Variants in NBEA observed in about 807,000 individuals in gnomAD.
The protein encoded by NBEA is lysosomal-trafficking regulator 2.
A neutral mutation model predicts 343.4 loss-of-function variants in NBEA; 44 were observed. The ratio of observed to expected loss-of-function variants is 0.13; its 90% CI spans 0.10 to 0.16. NBEA has a LOEUF of 0.16. NBEA is among the 10% of genes least tolerant of loss of function. The probability of loss-of-function intolerance (pLI) is 1.00; values close to 1 mark genes in which losing one functional copy is unlikely to be tolerated. For synonymous variants in NBEA, 1,175 were observed against 1,238.7 expected (o/e 0.95, Z 1.08); for missense variants, 2,555 against 3,631.3 (o/e 0.70, Z 7.62).
intron 40 of NBEA, among the ~76,000 whole-genome samples, chr13:35,463,428 G>A (rs572021152): frequency 6.6e-6 from 1 of 152,208 alleles, no homozygotes; most frequent in East Asian, 1.9e-4. Context: ...TTCGAGATCA[G>A]CCTGGGCAAC....
At chr13:34,954,956 T>TA (rs1190991104) in intron 1 of NBEA, among the ~76,000 whole-genome samples, 1 of 152,168 alleles carries the variant, frequency 6.6e-6, no homozygotes, top group African/African-American at 2.4e-5. Flanking sequence ...GTTTATATTT[T>TA]AAAAAAAGTT....
intron 45 of NBEA, among the ~76,000 whole-genome samples, chr13:35,568,653 T>C (rs1204970889): frequency 1.3e-5 from 2 of 152,190 alleles, no homozygotes; most frequent in African/African-American, 4.8e-5. Context: ...TCTGAAATGC[T>C]TGGGACCAGA....
At chr13:35,496,386 A>C (rs2076675467) in intron 41 of NBEA, among the ~76,000 whole-genome samples, 1 of 151,838 alleles carries the variant, frequency 6.6e-6, no homozygotes, top group South Asian at 2.1e-4. Context: ...TATAATCCCA[A>C]TACTTTGATT....
At chr13:35,630,662 C>T (rs1051421409) in intron 49 of NBEA, among the ~76,000 whole-genome samples, 1 of 152,126 alleles carries the variant, frequency 6.6e-6, no homozygotes, top group African/African-American at 2.4e-5. Flanking sequence ...AGACCCCTTG[C>T]CCACTTCCTC....
intron 40 of NBEA, among the ~76,000 whole-genome samples, chr13:35,457,132 C>G (rs1000964967): frequency 4.6e-5 from 7 of 151,964 alleles, no homozygotes; most frequent in Non-Finnish European, 1.5e-5. Context: ...TTTCTCTGTT[C>G]CACTCCCTCT....
At chr13:35,323,278 G>A (rs968091250) in intron 36 of NBEA, among the ~76,000 whole-genome samples, 8 of 152,030 alleles carry the variant, frequency 5.3e-5, no homozygotes, top group Admixed American at 2.0e-4. Context: ...TGTTTACTGC[G>A]GCATTATTCA....
intron 41 of NBEA, among the ~76,000 whole-genome samples, chr13:35,532,754 G>A (rs1244601041): frequency 6.6e-6 from 1 of 152,076 alleles, no homozygotes; most frequent in African/African-American, 2.4e-5. Flanking sequence ...TGAATCTTCA[G>A]CCAGGGCCCC....
chr13:35,617,615 A>C (rs562458037), intron 48 of NBEA, among the ~76,000 whole-genome samples: 2 of 152,204 alleles, frequency 1.3e-5, no homozygotes, highest in Non-Finnish European at 2.9e-5. Flanking sequence ...ACGCTACGCA[A>C]AGACATCTCG....
chr13:35,500,123 TAA>T (rs2076829404), intron 41 of NBEA, among the ~76,000 whole-genome samples: 1 of 152,120 alleles, frequency 6.6e-6, no homozygotes, highest in African/African-American at 2.4e-5. Context: ...ATTTTTAACT[TAA>T]GTGACAGCTG....
chr13:35,618,312 C>A lies in NBEA; in HGVS notation c.7450-9769C>A, dbSNP rs147484897. ...GACAAAATATTATAAAAAGTGATAT[C>A]ATTGATGATTAAATGCCCAGCTTTA... On this transcript the variant is annotated intron_variant, in intron 48 of 58. Coordinates refer to ENST00000379939, the MANE Select transcript of NBEA (RefSeq NM_001385012.1). Among the ~76,000 whole-genome samples, 556 of 152,300 alleles carry A rather than the reference C, an allele frequency of 3.7e-3. 1 individual carries two copies. Among genetic ancestry groups the A allele is most frequent in the African/African-American group, 0.013 (528 of 41,560 alleles).
intron 1 of NBEA, among the ~76,000 whole-genome samples, chr13:34,979,442 C>T (rs1402940392): frequency 6.6e-6 from 1 of 151,992 alleles, no homozygotes; most frequent in Non-Finnish European, 1.5e-5. Context: ...ATCACTCGAA[C>T]CTAGGAGGCA....
At chr13:35,271,808 AAAG>A (rs1269513482) in intron 34 of NBEA, among the ~76,000 whole-genome samples, 1 of 152,222 alleles carries the variant, frequency 6.6e-6, no homozygotes, top group Non-Finnish European at 1.5e-5. Flanking sequence ...ATTAGAGAAA[AAAG>A]AGTGAAAAGA....
intron 44 of NBEA, among the ~76,000 whole-genome samples, chr13:35,557,097 A>C (rs2079607936): frequency 6.6e-6 from 1 of 152,092 alleles, no homozygotes; most frequent in Non-Finnish European, 1.5e-5. Context: ...GCAGGGTGAT[A>C]TACCTCACTT....
intron 34 of NBEA, among the ~76,000 whole-genome samples, chr13:35,249,080 C>T (rs1362237607): frequency 4.4e-5 from 6 of 137,220 alleles, no homozygotes; most frequent in Admixed American, 8.3e-5. Context: ...ACCTGGGAGG[C>T]GGAGGTTGCA....
chr13:35,338,959 A>T (rs567345491), intron 36 of NBEA, among the ~76,000 whole-genome samples: 1 of 152,208 alleles, frequency 6.6e-6, no homozygotes, highest in South Asian at 2.1e-4. Context: ...TAATGATAAA[A>T]ATACTCAACA....
intron 34 of NBEA, among the ~76,000 whole-genome samples, chr13:35,256,867 G>T (rs1287872929): frequency 6.6e-6 from 1 of 152,258 alleles, no homozygotes; most frequent in Non-Finnish European, 1.5e-5. Context: ...AGGGCTTCCT[G>T]CACCCCCAAG....
At chr13:35,533,896 A>G (rs904269284) in intron 41 of NBEA, among the ~76,000 whole-genome samples, 1 of 152,318 alleles carries the variant, frequency 6.6e-6, no homozygotes, top group Middle Eastern at 3.4e-3. Context: ...TGACTGAAAC[A>G]CAGAAATAAC....
rs745692745 is a variant in NBEA, at chr13:35,613,092, CAT to C, written c.7449+6524_7449+6525del. Reference sequence around the variant, plus strand: ...TATATTTTAAAAATATATATATTTACATATATATATAAATAATTAACTACAGT... The same window carrying C: ...TATATTTTAAAAATATATATATTTACATATATATAAATAATTAACTACAGT... On this transcript the variant is annotated intron_variant, in intron 48 of 58. Coordinates refer to ENST00000379939, the MANE Select transcript of NBEA (RefSeq NM_001385012.1). Among the ~76,000 whole-genome samples, 3 of 148,880 alleles carry C rather than the reference CAT, an allele frequency of 2.0e-5. No homozygotes were observed. The East Asian group carries it at 5.8e-4, about 29-fold the overall frequency.
chr13:34,996,841 C>G (rs1264724657), intron 1 of NBEA, among the ~76,000 whole-genome samples: 1 of 152,104 alleles, frequency 6.6e-6, no homozygotes, highest in African/African-American at 2.4e-5. Context: ...CATTGCAAAT[C>G]ATTTAAAAAT....
Sources: allele counts gnomAD v4.1 joint callset (sites outside exome capture counted in the v4.1 genomes callset), GRCh38; gene constraint gnomAD v4.1.1; transcripts MANE v1.5; gene names NCBI Gene and HGNC (gene_info 2026-07-23, HGNC 2026-07-21).